The following TRHDE variants were observed in gnomAD, a reference collection of about 807,000 sequenced individuals.
The protein encoded by TRHDE is thyrotropin-releasing hormone-degrading ectoenzyme.
A neutral mutation model predicts 125.7 loss-of-function variants in TRHDE; 72 were observed. The ratio of observed to expected loss-of-function variants is 0.57; its 90% CI spans 0.47 to 0.70. The LOEUF is 0.70. Among genes scored for constraint, TRHDE ranks in the 30% least tolerant of loss-of-function variants. The pLI, the probability that TRHDE is intolerant of heterozygous loss-of-function variation, is 0.00. For synonymous variants in TRHDE, 509 were observed against 509.1 expected (o/e 1.00, Z 0.00); for missense variants, 1,110 against 1,327.1 (o/e 0.84, Z 2.54).
intron 7 of TRHDE, among the ~76,000 whole-genome samples, chr12:72,549,145 T>C (rs888823890): frequency 6.6e-6 from 1 of 151,872 alleles, no homozygotes; most frequent in Non-Finnish European, 1.5e-5. Context: ...ATATCATTAT[T>C]ATTGGTTTGT....
chr12:72,578,976 T>C (rs775916926), intron 12 of TRHDE, among the ~76,000 whole-genome samples: 164 of 134,468 alleles, frequency 1.2e-3, no homozygotes, highest in Non-Finnish European at 1.1e-3. Context: ...ACTTTCTTAC[T>C]GTTTAGTGTT....
intron 10 of TRHDE, among the ~76,000 whole-genome samples, chr12:72,570,977 A>G (rs940892897): frequency 1.9e-5 from 2 of 103,590 alleles, no homozygotes; most frequent in African/African-American, 1.0e-4. Context: ...CCATACGAAG[A>G]TAATGTTTCC....
chr12:72,334,376 G>A (rs1198151500), intron 2 of TRHDE, among the ~76,000 whole-genome samples: 3 of 152,224 alleles, frequency 2.0e-5, no homozygotes, highest in Non-Finnish European at 4.4e-5. Flanking sequence ...ACTCTAGTTT[G>A]TTGTGAGTGC....
chr12:72,314,007 T>G (rs546356486), intron 2 of TRHDE, among the ~76,000 whole-genome samples: 1 of 152,310 alleles, frequency 6.6e-6, no homozygotes, highest in African/African-American at 2.4e-5. Flanking sequence ...AAAGCCTATA[T>G]GTAAATGAAG....
intron 2 of TRHDE, among the ~76,000 whole-genome samples, chr12:72,109,477 G>T (rs1023857872): frequency 6.6e-6 from 1 of 152,030 alleles, no homozygotes. Flanking sequence ...TAATAAGTAA[G>T]AAATTCTAGA....
At chr12:72,288,676 T>C (rs183420127) in intron 2 of TRHDE, among the ~76,000 whole-genome samples, 38 of 152,272 alleles carry the variant, frequency 2.5e-4, no homozygotes, top group African/African-American at 8.7e-4. Flanking sequence ...TTTTTTCTAG[T>C]ATGTTTTCTT....
At chr12:72,586,111 G>T (rs1012834734) in intron 12 of TRHDE, among the ~76,000 whole-genome samples, 3 of 151,868 alleles carry the variant, frequency 2.0e-5, no homozygotes, top group Middle Eastern at 3.4e-3. Context: ...ATCTATTTTT[G>T]GCTTCAACTG....
intron 3 of TRHDE, among the ~76,000 whole-genome samples, chr12:72,394,843 C>T (rs1168780044): frequency 3.3e-5 from 5 of 152,142 alleles, no homozygotes; most frequent in African/African-American, 1.2e-4. Context: ...ATGCCTCCTG[C>T]TTCCTCATCT....
Position 72,194,025 on chromosome 12 carries a change from A to G in TRHDE, n.279+88273A>G, listed in dbSNP as rs927569160. Among the ~76,000 whole-genome samples, 3 of 152,142 alleles carry G rather than the reference A, an allele frequency of 2.0e-5. No homozygotes were observed. The South Asian group carries it at 6.2e-4, about 31-fold the overall frequency. On this transcript the variant is annotated intron_variant and non_coding_transcript_variant, in intron 2 of 4. Transcript: ENST00000548156. ...TTGTCATCTATTATTTGCATTTTTT[A>G]ATGATTCCTGAATATCATGTTAAAA...
intron 13 of TRHDE, among the ~76,000 whole-genome samples, chr12:72,619,521 G>A (rs1448037691): frequency 6.6e-6 from 1 of 152,036 alleles, no homozygotes; most frequent in Non-Finnish European, 1.5e-5. Context: ...GGGTCCAAGG[G>A]GATACAGGAA....
At chr12:72,232,014 A>G (rs1434527178) in intron 2 of TRHDE, among the ~76,000 whole-genome samples, 1 of 152,192 alleles carries the variant, frequency 6.6e-6, no homozygotes, top group Non-Finnish European at 1.5e-5. Context: ...GCTGCTAGGT[A>G]GGGACTTGTT....
intron 6 of TRHDE, among the ~76,000 whole-genome samples, chr12:72,507,567 A>G (rs554532285): frequency 6.6e-6 from 1 of 152,210 alleles, no homozygotes; most frequent in Non-Finnish European, 1.5e-5. Context: ...GTGTGTTCTC[A>G]TATGTGTGAG....
At chr12:72,332,169 C>T (rs1051260017) in intron 2 of TRHDE, among the ~76,000 whole-genome samples, 2 of 151,856 alleles carry the variant, frequency 1.3e-5, no homozygotes, top group South Asian at 2.1e-4. Flanking sequence ...GATGGAGTCT[C>T]GCTCTGTCAT....
At chr12:72,203,161 A>G (rs1877594643) in intron 2 of TRHDE, among the ~76,000 whole-genome samples, 1 of 152,012 alleles carries the variant, frequency 6.6e-6, no homozygotes, top group African/African-American at 2.4e-5. Context: ...GAGAGAGAGG[A>G]GAGACAGAGA....
At chr12:72,656,331 G>C (rs1486812260) in intron 17 of TRHDE, among the ~76,000 whole-genome samples, 2 of 152,044 alleles carry the variant, frequency 1.3e-5, no homozygotes, top group Non-Finnish European at 2.9e-5. Flanking sequence ...AATGCATTTT[G>C]CCTCGGTTTC....
At chr12:72,512,491 ATATAT>A (rs553247521) in intron 6 of TRHDE, among the ~76,000 whole-genome samples, 21 of 139,132 alleles carry the variant, frequency 1.5e-4, no homozygotes, top group Admixed American at 6.9e-4. Context: ...TATAATAATA[ATATAT>A]TATATAGTTA....
chr12:72,582,570 A>C (rs1871285361), intron 12 of TRHDE: 1 of 985,464 alleles, frequency 1.0e-6, no homozygotes, highest in Admixed American at 6.1e-5. Flanking sequence ...ATAGTAGTAT[A>C]ATGTGCCTGA....
intron 3 of TRHDE, among the ~76,000 whole-genome samples, chr12:72,446,904 C>T (rs1875314037): frequency 6.6e-6 from 1 of 152,066 alleles, no homozygotes; most frequent in African/African-American, 2.4e-5. Context: ...TAGACTCCCA[C>T]ACAATAATAA....
At chr12:72,461,945 A>T (rs2135886377) in intron 3 of TRHDE, among the ~76,000 whole-genome samples, 1 of 152,294 alleles carries the variant, frequency 6.6e-6, no homozygotes, top group South Asian at 2.1e-4. Context: ...TACATGGTAT[A>T]ACTCATTTAA....
Sources: gnomAD v4.1 joint callset for allele counts (sites outside exome capture counted in the v4.1 genomes callset) on GRCh38, gnomAD v4.1.1 for gene constraint, MANE v1.5 for transcripts, NCBI Gene and HGNC (gene_info 2026-07-23, HGNC 2026-07-21) for gene names.